DNAJC10: variants seen among roughly 807,000 people sequenced by gnomAD.
DNAJC10 encodes the protein endoplasmic reticulum disulfide reductase DNAJC10.
DNAJC10 carries 101 observed loss-of-function variants against 115.0 expected under a neutral mutation model. The ratio of observed to expected loss-of-function variants is 0.88; its 90% CI spans 0.75 to 1.04. DNAJC10 has a LOEUF of 1.04. DNAJC10 is among the 50% of genes least tolerant of loss of function. DNAJC10 has a pLI of 0.00. For missense variants in DNAJC10, 981 were observed against 928.8 expected, an observed-to-expected ratio of 1.06 and a Z score of -0.73; for synonymous variants, 307 against 301.5, an observed-to-expected ratio of 1.02 and a Z score of -0.19.
intron 14 of DNAJC10, among the ~76,000 whole-genome samples, chr2:182,746,228 T>G (rs1693862579): frequency 1.3e-5 from 2 of 152,196 alleles, no homozygotes; most frequent in Admixed American, 6.5e-5. Context: ...GCAGCATGAT[T>G]TATAATCCTT....
At position 182,787,557 on chromosome 2, in the gene DNAJC10, A is replaced by G. The variant is rs1694969905; in HGVS notation, c.*10425A>G. The G allele has an allele frequency of 6.6e-6, 1 of 152,178 alleles. No homozygotes were observed. The highest frequency in any genetic ancestry group is 2.1e-4 in the South Asian group (1 of 4,826). The allele number at this position is 152,178 out of a possible 1,614,324, so 9.4% of individuals were successfully genotyped here. A position where few individuals can be genotyped will look rare whatever the true frequency, so the allele number is the denominator to read the frequency against. The stretch of plus-strand genomic sequence containing the variant: ...TGCTTGGTTAGCAGTCTTAACCTCT[A>G]ACCAACTGAACAAATCGAAGACATT... On this transcript the variant is annotated 3_prime_UTR_variant, in exon 24 of 24. Transcript: ENST00000264065.
chr2:182,759,595 A>T (rs552372323), intron 21 of DNAJC10, among the ~76,000 whole-genome samples: 1 of 152,002 alleles, frequency 6.6e-6, no homozygotes, highest in Admixed American at 6.6e-5. Context: ...TCCCCACCCC[A>T]GTACTCTGTT....
rs544715018 is a variant in DNAJC10, at chr2:182,763,164, T to G, written c.2265+363T>G. 3.9e-5 allele frequency among the ~76,000 whole-genome samples: 6 copies of G among 152,214 alleles called. No homozygotes were observed. In the South Asian group the frequency reaches 1.2e-3, roughly 32 times the overall value. On this transcript the variant is annotated intron_variant, in intron 22 of 23. Transcript: ENST00000264065. ...TGAGGTCACTAAGAATACTCTATAA[T>G]ACACACTGCTGCTTGGAATAATATT...
At chr2:182,725,790 G>C (rs1444280463) in intron 5 of DNAJC10, among the ~76,000 whole-genome samples, 1 of 152,152 alleles carries the variant, frequency 6.6e-6, no homozygotes, top group East Asian at 1.9e-4. Context: ...ATCTAGCTAA[G>C]ATCATTGATG....
chr2:182,758,227 G>A (rs1694205635), intron 19 of DNAJC10, among the ~76,000 whole-genome samples: 1 of 152,094 alleles, frequency 6.6e-6, no homozygotes, highest in Non-Finnish European at 1.5e-5. Flanking sequence ...CCAAGGTCTA[G>A]GAGTTATCTA....
At chr2:182,732,353 TAGA>T in intron 9 of DNAJC10, 143 bp from the exon 10 acceptor site, 1 of 740,100 alleles carries the variant, frequency 1.4e-6, no homozygotes. Context: ...TGTGTGTGTG[TAGA>T]AGGATTTCCA....
rs1378728577 is a variant in DNAJC10 at position 182,775,270 on chromosome 2, T to G, written c.2266-46T>G. The G allele has an allele frequency of 3.3e-6, 4 of 1,216,304 alleles. No homozygotes were observed. In the African/African-American group the frequency reaches 4.6e-5, roughly 14 times the overall value. The allele number at this position is 1,216,304 out of a possible 1,614,324, so 75.3% of individuals were successfully genotyped here. A position where few individuals can be genotyped will look rare whatever the true frequency, so the allele number is the denominator to read the frequency against. On this transcript the variant is annotated intron_variant, in intron 22 of 23. Transcript: ENST00000264065. ...TCAAGTTTCTTAGGTGGAAATGTTA[T>G]GTTTTTATTAAATACTTAAAAGATA...
At position 182,729,959 on chromosome 2, in the gene DNAJC10, A is replaced by T; in HGVS notation, c.727+18A>T. On this transcript the variant is annotated intron_variant, in intron 8 of 23. Transcript: ENST00000264065. ...TTGGACAGGTAATTTTATTTTCTTAATTTGCTTGATTTTCAGGGTATTTTG... is the reference window on the plus strand; with the variant it reads ...TTGGACAGGTAATTTTATTTTCTTATTTTGCTTGATTTTCAGGGTATTTTG... 1 of 1,504,706 alleles carries T rather than the reference A, an allele frequency of 6.6e-7. No homozygotes were observed. Among genetic ancestry groups the T allele is most frequent in the Non-Finnish European group, 9.1e-7 (1 of 1,093,780 alleles). 93.2% of individuals were successfully genotyped at this position (1,504,706 alleles called of 1,614,324 possible). A position where few individuals can be genotyped will look rare whatever the true frequency, so the allele number is the denominator to read the frequency against.
chr2:182,776,423 T>G (rs1694707827), intron 23 of DNAJC10, among the ~76,000 whole-genome samples: 1 of 152,188 alleles, frequency 6.6e-6, no homozygotes, highest in Non-Finnish European at 1.5e-5. Flanking sequence ...AGATCATACT[T>G]AAAAACAGAA....
At position 182,720,073 on chromosome 2, in the gene DNAJC10, G is replaced by A. The variant is rs764792929; in HGVS notation, c.271G>A (p.Asp91Asn). The part of the protein sequence containing the change: ...NRAYEVLKDE[D>N]LRKKYDKYGE... ...AGCATATGAAGTACTCAAAGATGAA[G>A]ATCTACGGAAAAAGTATGACAAATA... The change falls in exon 4 of 24, where the codon GAT becomes AAT. Residue 91 changes from aspartate (D) to asparagine (N), a missense_variant. By Grantham distance (23) the Asp-to-Asn change is conservative. Coordinates refer to ENST00000264065, the MANE Select transcript of DNAJC10 (RefSeq NM_018981.4). 8 of 1,607,476 alleles carry A rather than the reference G, an allele frequency of 5.0e-6. No individual in the cohort carries two copies. The East Asian group carries it at 6.7e-5, about 13-fold the overall frequency.
rs1468454024 is a variant in DNAJC10, at chr2:182,778,450, T to C, written c.*1318T>C. 1 of 152,182 alleles carries C rather than the reference T, an allele frequency of 6.6e-6. No homozygotes were observed. The highest frequency in any genetic ancestry group is 1.5e-5 in the Non-Finnish European group (1 of 68,022). The allele number at this position is 152,182 out of a possible 1,614,324, so 9.4% of individuals were successfully genotyped here. On this transcript the variant is annotated 3_prime_UTR_variant, in exon 24 of 24. Coordinates refer to ENST00000264065, the MANE Select transcript of DNAJC10 (RefSeq NM_018981.4). ...TAGTTATAATTCAGAGTGTACAGAATGGTAAAAATTCCAATCAGTCAAAAG... is the reference window on the plus strand; with the variant it reads ...TAGTTATAATTCAGAGTGTACAGAACGGTAAAAATTCCAATCAGTCAAAAG...
At chr2:182,719,793 TCTTAC>T (rs1262239388) in intron 3 of DNAJC10, among the ~76,000 whole-genome samples, 1 of 135,444 alleles carries the variant, frequency 7.4e-6, no homozygotes, top group South Asian at 2.3e-4. Context: ...TCATTACTTT[TCTTAC>T]TTTTTTTTTT....
In DNAJC10 at chr2:182,777,381, A is replaced by G. The variant is rs1392859959; in HGVS notation, c.*249A>G. On this transcript the variant is annotated 3_prime_UTR_variant, in exon 24 of 24. Transcript: ENST00000264065. Reference sequence around the variant, plus strand: ...ATGGTTCACACATGAGAACAAGAATAGAGTCATCATGTATTCTTTGTTATT... The same window carrying G: ...ATGGTTCACACATGAGAACAAGAATGGAGTCATCATGTATTCTTTGTTATT... 3.4e-6 allele frequency: 1 copy of G among 298,260 alleles called. No individual in the cohort carries two copies. The allele number at this position is 298,260 out of a possible 1,614,324, so 18.5% of individuals were successfully genotyped here. A position where few individuals can be genotyped will look rare whatever the true frequency, so the allele number is the denominator to read the frequency against.
chr2:182,743,744 T>A, intron 14 of DNAJC10, 32 bp downstream of exon 14: 6 of 1,407,566 alleles, frequency 4.3e-6, no homozygotes, highest in Non-Finnish European at 5.9e-6. Flanking sequence ...AAAAAAAAAC[T>A]TAGCTTCATT....
chr2:182,771,802 G>GT (rs780997578), intron 22 of DNAJC10, among the ~76,000 whole-genome samples: 4 of 151,994 alleles, frequency 2.6e-5, no homozygotes, highest in African/African-American at 4.8e-5. Context: ...TTTTTGAAGG[G>GT]TTTTTTATGT....
chr2:182,728,764 A>G (rs1693357505), intron 6 of DNAJC10, 99 bp from the exon 7 acceptor site: 8 of 1,508,150 alleles, frequency 5.3e-6, no homozygotes, highest in Middle Eastern at 1.7e-4. Context: ...TAATTATCAA[A>G]TACTTTAAAT....
intron 23 of DNAJC10, among the ~76,000 whole-genome samples, chr2:182,776,488 T>A (rs1673122714): frequency 6.6e-6 from 1 of 152,200 alleles, no homozygotes; most frequent in Non-Finnish European, 1.5e-5. Flanking sequence ...TACAATCACA[T>A]GAGGTATCTC....
At chr2:182,754,742 A>T in intron 16 of DNAJC10, 1 of 1,170,014 alleles carries the variant, frequency 8.5e-7, no homozygotes, top group Non-Finnish European at 1.1e-6. Flanking sequence ...ACCCATGCCG[A>T]TTTCTCAATG....
rs539896419 is a variant in DNAJC10, at chr2:182,757,344, C to T, written c.1810-348C>T. On this transcript the variant is annotated intron_variant, in intron 18 of 23. Coordinates refer to ENST00000264065, the MANE Select transcript of DNAJC10 (RefSeq NM_018981.4). ...GTGAGTCAGTATAACACATTAGACA[C>T]CTACAAAGCTTGTTTTCATTGGAAA... Among the ~76,000 whole-genome samples, 125 of 152,238 alleles carry T rather than the reference C, an allele frequency of 8.2e-4. 1 individual carries two copies. The highest frequency in any genetic ancestry group is 1.4e-3 in the Non-Finnish European group (98 of 68,000).
Sources: allele counts gnomAD v4.1 joint callset (sites outside exome capture counted in the v4.1 genomes callset), GRCh38; gene constraint gnomAD v4.1.1; transcripts MANE v1.5; gene names NCBI Gene and HGNC (gene_info 2026-07-23, HGNC 2026-07-21).